Variants in VIL1 observed in about 807,000 individuals in gnomAD.
VIL1 encodes the protein villin-1.
A neutral mutation model predicts 104.0 loss-of-function variants in VIL1; 86 were observed. That is an observed-to-expected ratio of 0.83 (90% confidence interval 0.69 to 0.99). The LOEUF (loss-of-function observed/expected upper bound fraction) is 0.99, where lower values mean the gene tolerates loss of function less well. Ranked by LOEUF, VIL1 falls within the 50% of genes least tolerant of loss-of-function variation. The probability of loss-of-function intolerance (pLI) is 0.00; values close to 1 mark genes in which losing one functional copy is unlikely to be tolerated. For synonymous variants in VIL1, 394 were observed against 412.6 expected (o/e 0.95, Z 0.55); for missense variants, 944 against 1,054.1 (o/e 0.90, Z 1.45).
chr2:218,435,394 A>G lies in VIL1; in HGVS notation c.1786A>G (p.Met596Val). ...VEGQEPANFW[M>V]ALGGKAPYAN... is the part of the protein sequence containing the mutation. ...AGGGCAGGAGCCAGCCAACTTCTGG[A>G]TGGCCCTGGGTGGGAAGGCCCCCTA... Residue 596 changes from methionine (M) to valine (V), a missense_variant, in exon 15 of 20, where the codon ATG becomes GTG. Transcript: ENST00000248444. 1 of 1,614,134 alleles carries G rather than the reference A, an allele frequency of 6.2e-7. No homozygotes were observed. Among genetic ancestry groups the G allele is most frequent in the Non-Finnish European group, 8.5e-7 (1 of 1,179,998 alleles).
intron 9 of VIL1, 47 bp downstream of exon 9, chr2:218,429,994 G>C: frequency 6.5e-7 from 1 of 1,542,124 alleles, no homozygotes; most frequent in Non-Finnish European, 8.9e-7. Context: ...CAGAGTGATG[G>C]GAGGGAGAGA....
chr2:218,432,019 C>G (rs1689108209), intron 11 of VIL1, 27 bp from the exon 12 acceptor site: 6 of 1,614,036 alleles, frequency 3.7e-6, no homozygotes, highest in Middle Eastern at 1.6e-4. Flanking sequence ...TGTCCTGGAC[C>G]TCACCCTGGC....
At position 218,429,773 on chromosome 2, in the gene VIL1, G is replaced by A. The variant is rs1027237472; in HGVS notation, c.850-76G>A. On this transcript the variant is annotated intron_variant, in intron 8 of 19. Coordinates refer to ENST00000248444, the MANE Select transcript of VIL1 (RefSeq NM_007127.3). ...GGGCTTGGGGTGGGCCTGGGAGGGA[G>A]AGACTTTTTTGTGTGTGAGGCTTTC... is the stretch of plus-strand genomic sequence containing the variant. 15 of 1,592,014 alleles carry A rather than the reference G, an allele frequency of 9.4e-6. No individual in the cohort carries two copies. In the East Asian group the frequency reaches 3.1e-4, roughly 33 times the overall value.
chr2:218,440,753 A>C lies in VIL1; in HGVS notation c.2261A>C (p.Asn754Thr). The C allele has an allele frequency of 6.2e-7, 1 of 1,614,146 alleles. No homozygotes were observed. Among genetic ancestry groups the C allele is most frequent in the Non-Finnish European group, 8.5e-7 (1 of 1,180,016 alleles). ...EVTSPKVDVF[N>T]ANSNLSSGPL... ...ACAAGCCCCAAAGTGGACGTGTTCA[A>C]TGCTAACAGCAACCTCAGTTCTGGG... Residue 754 changes from asparagine (N) to threonine (T), a missense_variant, in exon 19 of 20, where the codon AAT becomes ACT. Coordinates refer to ENST00000248444, the MANE Select transcript of VIL1 (RefSeq NM_007127.3).
chr2:218,449,145 C>A, intron 19 of VIL1, 78 bp from the exon 20 acceptor site: 2 of 1,018,000 alleles, frequency 2.0e-6, no homozygotes, highest in Non-Finnish European at 3.1e-6. Flanking sequence ...TATGACTCAT[C>A]AGAGCAAACG....
chr2:218,446,666 G>C (rs1442249932), intron 19 of VIL1, among the ~76,000 whole-genome samples: 2 of 152,090 alleles, frequency 1.3e-5, no homozygotes, highest in South Asian at 4.1e-4. Context: ...AAGCTGACAA[G>C]AGGGCTTTAT....
chr2:218,434,648 T>A lies in VIL1; in HGVS notation c.1623T>A (p.Asn541Lys), dbSNP rs1444582787. 4 of 1,614,148 alleles carry A rather than the reference T, an allele frequency of 2.5e-6. No homozygotes were observed. The East Asian group carries it at 8.9e-5, about 36-fold the overall frequency. The change falls in exon 14 of 20, where the codon AAT becomes AAA. Residue 541 changes from asparagine (N) to lysine (K), a missense_variant. Coordinates refer to ENST00000248444, the MANE Select transcript of VIL1 (RefSeq NM_007127.3). ...FEVPARANFLNSNDVFVLKTQ... is the reference protein window; with the variant it reads ...FEVPARANFLKSNDVFVLKTQ... ...TCCCAGCGCGGGCCAATTTCCTCAA[T>A]TCCAATGATGTCTTTGTCCTCAAGA...
At chr2:218,433,074 C>A in intron 13 of VIL1, 123 bp downstream of exon 13, 1 of 1,222,010 alleles carries the variant, frequency 8.2e-7, no homozygotes, top group Non-Finnish European at 1.1e-6. Context: ...TCATAGGAGA[C>A]TACCCTGGAG....
chr2:218,430,059 C>A, intron 9 of VIL1, 112 bp downstream of exon 9: 3 of 968,638 alleles, frequency 3.1e-6, no homozygotes, highest in Non-Finnish European at 3.1e-6. Context: ...TAGTGCCAGG[C>A]AGAGGCAGGG....
chr2:218,438,454 T>G (rs1488561938), intron 17 of VIL1, among the ~76,000 whole-genome samples: 1 of 152,228 alleles, frequency 6.6e-6, no homozygotes, highest in Non-Finnish European at 1.5e-5. Flanking sequence ...TCCACTTTTC[T>G]GATCTGGCAG....
At position 218,429,344 on chromosome 2, in the gene VIL1, C is replaced by T. The variant is rs767787005; in HGVS notation, c.627C>T (p.Gly209=). The part of the protein sequence containing the change: ...DQERGGRTYV[G]VVDGENELAS... ...AGCGGGGAGGGCGCACCTATGTAGG[C>T]GTGGTGGACGGAGAGAATGAATTGG... is the stretch of plus-strand genomic sequence containing the variant. Residue 209 remains glycine, a synonymous_variant, in exon 7 of 20, where the codon GGC becomes GGT. Transcript: ENST00000248444. The T allele has an allele frequency of 3.3e-5, 54 of 1,613,946 alleles. No individual in the cohort carries two copies. Among genetic ancestry groups the T allele is most frequent in the East Asian group, 4.5e-5 (2 of 44,884 alleles).
At position 218,450,411 on chromosome 2, in the gene VIL1, C is replaced by G. The variant is rs1370062198; in HGVS notation, c.*1075C>G. The G allele has an allele frequency of 2.6e-5, 4 of 152,548 alleles. No homozygotes were observed. The highest frequency in any genetic ancestry group is 9.7e-5 in the African/African-American group (4 of 41,434). 9.4% of individuals were successfully genotyped at this position (152,548 alleles called of 1,614,324 possible). On this transcript the variant is annotated 3_prime_UTR_variant, in exon 20 of 20. Transcript: ENST00000248444. ...CATACAAAACATAAAGAATCAGAAT[C>G]AAAAGTCACTCTGAACATAAAGAAA... is the stretch of plus-strand genomic sequence containing the variant.
Position 218,453,071 on chromosome 2 carries a change from G to C in VIL1, c.*3735G>C, listed in dbSNP as rs1435191666. The C allele has an allele frequency of 6.6e-6, 1 of 152,186 alleles. No homozygotes were observed. Among genetic ancestry groups the C allele is most frequent in the African/African-American group, 2.4e-5 (1 of 41,434 alleles). 9.4% of individuals were successfully genotyped at this position (152,186 alleles called of 1,614,324 possible). On this transcript the variant is annotated 3_prime_UTR_variant, in exon 20 of 20. Coordinates refer to ENST00000248444, the MANE Select transcript of VIL1 (RefSeq NM_007127.3). The stretch of plus-strand genomic sequence containing the variant: ...AATAAGGTATATAGGTAGATGGTAG[G>C]AGGCAAAGCATTTATCAGTAGTTGA...
chr2:218,434,649 T>C lies in VIL1; in HGVS notation c.1624T>C (p.Ser542Pro). 2.5e-6 allele frequency: 4 copies of C among 1,614,110 alleles called. No individual in the cohort carries two copies. The highest frequency in any genetic ancestry group is 3.4e-6 in the Non-Finnish European group (4 of 1,180,002). The change falls in exon 14 of 20, where the codon TCC (serine) becomes CCC (proline). Residue 542 changes from serine to proline, a missense_variant. By Grantham distance (74) the Ser-to-Pro change is moderately conservative. Transcript: ENST00000248444. ...CCCAGCGCGGGCCAATTTCCTCAAT[T>C]CCAATGATGTCTTTGTCCTCAAGAC... ...EVPARANFLNSNDVFVLKTQS... is the reference protein window; with the variant it reads ...EVPARANFLNPNDVFVLKTQS...
chr2:218,424,940 A>C (rs1194158912), intron 3 of VIL1, among the ~76,000 whole-genome samples: 1 of 151,422 alleles, frequency 6.6e-6, no homozygotes, highest in African/African-American at 2.4e-5. Flanking sequence ...GATTACAGGC[A>C]TGAGCCACCA....
chr2:218,420,801 G>A (rs1186028192), intron 1 of VIL1, among the ~76,000 whole-genome samples: 1 of 152,034 alleles, frequency 6.6e-6, no homozygotes, highest in Non-Finnish European at 1.5e-5. Flanking sequence ...TAGCCAGGAT[G>A]GTCTTGATCT....
rs146567646 is a variant in VIL1 at position 218,423,794 on chromosome 2, G to C, written c.16G>C (p.Ala6Pro). MTKLS[A>P]QVKGSLNITT... ...CTCACTCACCATGACCAAGCTGAGCGCCCAAGTCAAAGGCTCTCTCAACAT... is the reference window on the plus strand; with the variant it reads ...CTCACTCACCATGACCAAGCTGAGCCCCCAAGTCAAAGGCTCTCTCAACAT... The change falls in exon 2 of 20, where the codon GCC (alanine) becomes CCC (proline). Residue 6 changes from alanine to proline, a missense_variant. Coordinates refer to ENST00000248444, the MANE Select transcript of VIL1 (RefSeq NM_007127.3). 9.3e-6 allele frequency: 15 copies of C among 1,614,006 alleles called. No homozygotes were observed. In the Middle Eastern group the frequency reaches 4.9e-4, roughly 53 times the overall value.
intron 1 of VIL1, among the ~76,000 whole-genome samples, 160 bp downstream of exon 1, chr2:218,419,328 G>C (rs1574809737): frequency 1.3e-5 from 2 of 152,148 alleles, no homozygotes; most frequent in Non-Finnish European, 2.9e-5. Context: ...TGGGAGCCCA[G>C]TGTGTCTGCC....
chr2:218,421,977 G>A (rs1034098528), intron 1 of VIL1, among the ~76,000 whole-genome samples: 18 of 152,162 alleles, frequency 1.2e-4, no homozygotes, highest in Admixed American at 3.3e-4. Context: ...GACGGGGCCC[G>A]GCGCGGTGGC....
Sources: allele counts gnomAD v4.1 joint callset (sites outside exome capture counted in the v4.1 genomes callset), GRCh38; gene constraint gnomAD v4.1.1; transcripts MANE v1.5; gene names NCBI Gene and HGNC (gene_info 2026-07-23, HGNC 2026-07-21).